AASDH: variants seen among roughly 807,000 people sequenced by gnomAD.
The protein encoded by AASDH is beta-alanine-activating enzyme.
Under a neutral mutation model 102.3 loss-of-function variants are expected in AASDH, and 81 were observed. That is an observed-to-expected ratio of 0.79 (90% CI 0.66 to 0.95). The LOEUF (loss-of-function observed/expected upper bound fraction) is 0.95, where lower values mean the gene tolerates loss of function less well. AASDH is among the 40% of genes least tolerant of loss of function. The probability of loss-of-function intolerance (pLI) is 0.00; values close to 1 mark genes in which losing one functional copy is unlikely to be tolerated. For synonymous variants in AASDH, 398 were observed against 454.0 expected, an observed-to-expected ratio of 0.88 and a Z score of 1.57; for missense variants, 1,203 against 1,266.2, an observed-to-expected ratio of 0.95 and a Z score of 0.76.
intron 5 of AASDH, among the ~76,000 whole-genome samples, chr4:56,365,284 C>T (rs1251163204): frequency 1.3e-5 from 2 of 151,716 alleles, no homozygotes; most frequent in African/African-American, 4.8e-5. Flanking sequence ...ACTTTCACAC[C>T]CCACTGCCAA....
chr4:56,356,799 G>C (rs1244483185), intron 5 of AASDH: 5 of 751,056 alleles, frequency 6.7e-6, no homozygotes, highest in Non-Finnish European at 1.2e-5. Flanking sequence ...AAGCTATTAG[G>C]ACCAATTACA....
intron 3 of AASDH, 183 bp downstream of exon 3, chr4:56,382,294 A>C: frequency 1.8e-6 from 1 of 550,384 alleles, no homozygotes; most frequent in Non-Finnish European, 3.0e-6. Flanking sequence ...ATATTGCTAA[A>C]TATCCTATAA....
intron 2 of AASDH, among the ~76,000 whole-genome samples, chr4:56,383,717 A>G (rs1753237014): frequency 6.6e-6 from 1 of 152,208 alleles, no homozygotes; most frequent in Non-Finnish European, 1.5e-5. Flanking sequence ...GTTGCGGACA[A>G]AAAACATAGT....
At chr4:56,380,347 C>T (rs1303849372) in intron 3 of AASDH, among the ~76,000 whole-genome samples, 2 of 152,082 alleles carry the variant, frequency 1.3e-5, no homozygotes, top group African/African-American at 4.8e-5. Context: ...TTGACAACAA[C>T]AGCTTAATGA....
intron 4 of AASDH, among the ~76,000 whole-genome samples, chr4:56,374,516 G>A (rs988835918): frequency 2.0e-5 from 3 of 152,042 alleles, no homozygotes; most frequent in African/African-American, 4.8e-5. Flanking sequence ...CTCCCAGGAA[G>A]GCCATGAAGA....
Position 56,338,548 on chromosome 4 carries a change from C to T in AASDH, c.3151G>A (p.Glu1051Lys), listed in dbSNP as rs780500242. 3.1e-6 allele frequency: 5 copies of T among 1,613,716 alleles called. No individual in the cohort carries two copies. The highest frequency in any genetic ancestry group is 4.2e-6 in the Non-Finnish European group (5 of 1,179,944). The stretch of plus-strand genomic sequence containing the variant: ...CTTTGCAATTGTCCACTCTGAGATT[C>T]CAAGATCCACACTTTCCCATCAGTA... ...ASTDGKVWIL[E>K]SQSGQLQSVY... Residue 1051 changes from glutamate to lysine, a missense_variant, in exon 15 of 15, where the codon GAA (glutamate) becomes AAA (lysine). Physicochemically the swap from Glu to Lys is moderately conservative, Grantham distance 56. Coordinates refer to ENST00000205214, the MANE Select transcript of AASDH (RefSeq NM_181806.4).
intron 3 of AASDH, among the ~76,000 whole-genome samples, chr4:56,380,633 G>A (rs1752843754): frequency 1.3e-5 from 2 of 152,174 alleles, no homozygotes; most frequent in Admixed American, 6.5e-5. Flanking sequence ...TATAGGTTCA[G>A]AAGTATTAAC....
rs548698963 is a variant in AASDH, at chr4:56,363,447, G to A, written c.861+8004C>T. 3.0e-3 allele frequency among the ~76,000 whole-genome samples: 459 copies of A among 152,332 alleles called. 1 individual carries two copies. The highest frequency in any genetic ancestry group is 0.01 in the African/African-American group (434 of 41,580). ...CTCCTCAAGTGGGTCCCTGAACCCC[G>A]GGTAGCCTAACTGGGAGGCACCCCC... On this transcript the variant is annotated intron_variant, in intron 5 of 14. Coordinates refer to ENST00000205214, the MANE Select transcript of AASDH (RefSeq NM_181806.4).
Position 56,364,086 on chromosome 4 carries a change from G to C in AASDH, c.861+7365C>G, listed in dbSNP as rs566093436. ...CATGATGAATGCACAAGCCTCAGTA[G>C]CCAATGGGATCAACTGGAAGAAAGG... On this transcript the variant is annotated intron_variant, in intron 5 of 14. Transcript: ENST00000205214. 1.5e-4 allele frequency among the ~76,000 whole-genome samples: 23 copies of C among 152,320 alleles called. No individual in the cohort carries two copies. The East Asian group carries it at 3.9e-3, about 26-fold the overall frequency.
intron 5 of AASDH, among the ~76,000 whole-genome samples, chr4:56,361,150 G>A (rs533741917): frequency 6.6e-6 from 1 of 152,276 alleles, no homozygotes; most frequent in Middle Eastern, 3.4e-3. Flanking sequence ...GGTGACTCAC[G>A]CCTGTAATCC....
intron 5 of AASDH, among the ~76,000 whole-genome samples, chr4:56,361,341 G>A (rs921940191): frequency 6.6e-5 from 10 of 151,968 alleles, no homozygotes; most frequent in Non-Finnish European, 1.2e-4. Context: ...CCCAGGAGGT[G>A]GAGGTTGCGG....
intron 5 of AASDH, among the ~76,000 whole-genome samples, chr4:56,370,089 G>C (rs1284366418): frequency 1.3e-5 from 2 of 152,104 alleles, no homozygotes; most frequent in Non-Finnish European, 2.9e-5. Context: ...TCTCAGGCCA[G>C]GTACAGTGGT....
intron 4 of AASDH, among the ~76,000 whole-genome samples, chr4:56,377,066 CAAAAAA>C (rs11364187): frequency 7.6e-6 from 1 of 131,750 alleles, no homozygotes; most frequent in Non-Finnish European, 1.6e-5. Flanking sequence ...GACTCCGTCT[CAAAAAA>C]AAAAAAAAAT....
At chr4:56,369,235 G>A (rs1751407113) in intron 5 of AASDH, among the ~76,000 whole-genome samples, 2 of 152,132 alleles carry the variant, frequency 1.3e-5, no homozygotes, top group Non-Finnish European at 2.9e-5. Context: ...ATCAAACAAG[G>A]GGATGAGATT....
chr4:56,343,497 C>G, intron 13 of AASDH, 65 bp downstream of exon 13: 1 of 1,420,938 alleles, frequency 7.0e-7, no homozygotes, highest in Non-Finnish European at 9.5e-7. Flanking sequence ...TTTCAAAGCT[C>G]AAAGCAAAAA....
chr4:56,375,639 G>C (rs946092580), intron 4 of AASDH, among the ~76,000 whole-genome samples: 1 of 151,994 alleles, frequency 6.6e-6, no homozygotes, highest in Non-Finnish European at 1.5e-5. Flanking sequence ...CTGGGCCAGT[G>C]CCTCTTAGTC....
intron 14 of AASDH, among the ~76,000 whole-genome samples, chr4:56,340,497 C>T (rs1747535836): frequency 6.6e-6 from 1 of 152,028 alleles, no homozygotes; most frequent in Admixed American, 6.6e-5. Flanking sequence ...AAACCAGACC[C>T]CTCTCTCTCA....
intron 7 of AASDH, 120 bp from the exon 8 acceptor site, chr4:56,354,331 G>C: frequency 1.2e-6 from 1 of 812,148 alleles, no homozygotes; most frequent in South Asian, 3.9e-5. Context: ...TAAAAGATGG[G>C]CTCATTTTAA....
chr4:56,342,687 G>T, intron 14 of AASDH, 148 bp downstream of exon 14: 1 of 212,486 alleles, frequency 4.7e-6, no homozygotes. Context: ...TGTTACTTCA[G>T]TTGTCACCAT....
Sources: gnomAD v4.1 joint callset for allele counts (sites outside exome capture counted in the v4.1 genomes callset) on GRCh38, gnomAD v4.1.1 for gene constraint, MANE v1.5 for transcripts, NCBI Gene and HGNC (gene_info 2026-07-23, HGNC 2026-07-21) for gene names.